The following C4orf51 variants were observed in gnomAD, a reference collection of about 807,000 sequenced individuals.
The protein encoded by C4orf51 is uncharacterized protein C4orf51.
A neutral mutation model predicts 25.2 loss-of-function variants in C4orf51; 25 were observed. The ratio of observed to expected loss-of-function variants is 0.99; its 90% confidence interval spans 0.72 to 1.39. The LOEUF is 1.39. Among genes scored for constraint, C4orf51 ranks in the 40% most tolerant of loss-of-function variants. The pLI is 0.00. For synonymous variants in C4orf51, 100 were observed against 84.5 expected (o/e 1.18, Z -1.01); for missense variants, 252 against 239.6 (o/e 1.05, Z -0.34).
the C4orf51 span, among the ~76,000 whole-genome samples, chr4:145,784,941 C>T: frequency 1.2e-4 from 18 of 152,150 alleles, no homozygotes; most frequent in South Asian, 2.1e-4. Flanking sequence ...CCTGGGATAA[C>T]CATAAATTGC....
downstream of C4orf51, among the ~76,000 whole-genome samples, chr4:145,733,845 A>G (rs1295153232): frequency 1.3e-5 from 2 of 152,162 alleles, no homozygotes; most frequent in Non-Finnish European, 2.9e-5. Flanking sequence ...GGCCAGCCCC[A>G]GTAGACATCC....
At chr4:145,748,167 T>C (rs1733476201) in intron 1 of C4orf51, among the ~76,000 whole-genome samples, 1 of 152,146 alleles carries the variant, frequency 6.6e-6, no homozygotes, top group Admixed American at 6.5e-5. Context: ...TTTTCCAATT[T>C]ACGGGTATCT....
downstream of C4orf51, among the ~76,000 whole-genome samples, chr4:145,733,550 C>G (rs1732630351): frequency 6.6e-6 from 1 of 152,222 alleles, no homozygotes; most frequent in African/African-American, 2.4e-5. Flanking sequence ...TCTCTGCTCC[C>G]CACACCCCCT....
intron 2 of C4orf51, among the ~76,000 whole-genome samples, chr4:145,721,580 A>G (rs1242102351): frequency 6.6e-6 from 1 of 152,204 alleles, no homozygotes; most frequent in African/African-American, 2.4e-5. Context: ...TAGAAAACAG[A>G]CTAAGAAATG....
At chr4:145,783,022 C>T in the C4orf51 span, among the ~76,000 whole-genome samples, 4 of 152,198 alleles carry the variant, frequency 2.6e-5, no homozygotes, top group East Asian at 7.7e-4. Flanking sequence ...TGAATATTTC[C>T]GTTGTACCAC....
At chr4:145,769,174 C>A (rs1041322791) in intron 1 of C4orf51, among the ~76,000 whole-genome samples, 11 of 151,924 alleles carry the variant, frequency 7.2e-5, no homozygotes, top group Middle Eastern at 3.4e-3. Flanking sequence ...AAATCTTGCT[C>A]CTATTAGAAC....
intron 1 of C4orf51, among the ~76,000 whole-genome samples, chr4:145,744,531 T>C (rs1733260471): frequency 6.6e-6 from 1 of 152,108 alleles, no homozygotes; most frequent in African/African-American, 2.4e-5. Context: ...CATAAAGAGA[T>C]GGGACCTTGG....
At chr4:145,720,564 G>T (rs561649527) in intron 2 of C4orf51, among the ~76,000 whole-genome samples, 1 of 152,096 alleles carries the variant, frequency 6.6e-6, no homozygotes, top group Non-Finnish European at 1.5e-5. Context: ...CATATTCCCC[G>T]GGAGTGTTCT....
At chr4:145,730,872 C>T (rs1732421129) in intron 5 of C4orf51, among the ~76,000 whole-genome samples, 1 of 152,182 alleles carries the variant, frequency 6.6e-6, no homozygotes, top group Non-Finnish European at 1.5e-5. Context: ...GTTGGATGAC[C>T]CACGCTGGTT....
intron 3 of C4orf51, among the ~76,000 whole-genome samples, chr4:145,727,922 TAAA>T (rs1174244412): frequency 1.3e-4 from 13 of 96,934 alleles, no homozygotes; most frequent in Non-Finnish European, 1.9e-4. Flanking sequence ...TATATATATA[TAAA>T]ATATATTATA....
intron 2 of C4orf51, among the ~76,000 whole-genome samples, chr4:145,719,254 T>C (rs1731586495): frequency 6.6e-6 from 1 of 151,130 alleles, no homozygotes; most frequent in Non-Finnish European, 1.5e-5. Flanking sequence ...TTGTTTATAA[T>C]TTGTCTTCCA....
chr4:145,683,126 T>C (rs1422763756), intron 1 of C4orf51, among the ~76,000 whole-genome samples: 1 of 152,154 alleles, frequency 6.6e-6, no homozygotes, highest in Non-Finnish European at 1.5e-5. Flanking sequence ...AGTGGAATTT[T>C]AAATAAAAAA....
chr4:145,728,383 C>A (rs951651283), intron 3 of C4orf51, among the ~76,000 whole-genome samples: 2 of 152,020 alleles, frequency 1.3e-5, no homozygotes, highest in Admixed American at 6.6e-5. Flanking sequence ...AATTTCATTT[C>A]TTTGATTATT....
intron 2 of C4orf51, among the ~76,000 whole-genome samples, chr4:145,712,465 G>A (rs2126729727): frequency 6.6e-6 from 1 of 152,326 alleles, no homozygotes. Flanking sequence ...AGTTTTAGTT[G>A]TCTGAATAAA....
intron 1 of C4orf51, chr4:145,754,158 C>T (rs1324140707): frequency 1.3e-5 from 2 of 152,164 alleles, no homozygotes; most frequent in Admixed American, 6.5e-5. Context: ...TATTGGATAC[C>T]ACTTGTTCCC....
At chr4:145,691,494 T>C (rs549316962) in intron 1 of C4orf51, among the ~76,000 whole-genome samples, 1 of 152,326 alleles carries the variant, frequency 6.6e-6, no homozygotes, top group East Asian at 1.9e-4. Context: ...CATGTGCTCA[T>C]ATGTTCATTG....
Position 145,763,694 on chromosome 4 carries a change from G to A in C4orf51, n.167-7294G>A, listed in dbSNP as rs1266716456. 6.6e-6 allele frequency among the ~76,000 whole-genome samples: 1 copy of A among 152,216 alleles called. No individual in the cohort carries two copies. The highest frequency in any genetic ancestry group is 2.4e-5 in the African/African-American group (1 of 41,446). On this transcript the variant is annotated intron_variant and non_coding_transcript_variant, in intron 1 of 1. Transcript: ENST00000510096. The surrounding 1 kb of genome is among the most constrained non-coding windows in gnomAD (Gnocchi z 4.6). ...CACTGGTCCAACCACAGAAAAACAT[G>A]GTTCTGGTGTTTCTCTTTTTAAAAT...
downstream of C4orf51, among the ~76,000 whole-genome samples, chr4:145,756,776 T>C (rs1733979689): frequency 6.6e-6 from 1 of 152,166 alleles, no homozygotes; most frequent in South Asian, 2.1e-4. Context: ...ACCTAAAAAA[T>C]AGCTATTGGA....
rs138677123 is a variant in C4orf51, at chr4:145,764,081, T to C, written n.167-6907T>C. 9.2e-3 allele frequency among the ~76,000 whole-genome samples: 1,395 copies of C among 152,292 alleles called. 23 individuals carry two copies. The highest frequency in any genetic ancestry group is 0.032 in the African/African-American group (1,332 of 41,540). On this transcript the variant is annotated intron_variant and non_coding_transcript_variant, in intron 1 of 1. Coordinates refer to the C4orf51 transcript ENST00000510096. ...AGGTTGTGCGTTTCAATGACGAACA[T>C]GTTTTAAAACAAAAGGTTTTTTCCC...
Sources: allele counts gnomAD v4.1 joint callset (sites outside exome capture counted in the v4.1 genomes callset), GRCh38; gene constraint gnomAD v4.1.1; non-coding constraint Gnocchi (gnomAD v3.1); transcripts MANE v1.5; gene names NCBI Gene and HGNC (gene_info 2026-07-23, HGNC 2026-07-21).